The following VTI1A variants were observed in gnomAD, a reference collection of about 807,000 sequenced individuals.
VTI1A encodes vesicle transport through interaction with t-SNAREs homolog 1A.
VTI1A carries 22 observed loss-of-function variants against 34.9 expected under a neutral mutation model. The ratio of observed to expected loss-of-function variants is 0.63; its 90% CI spans 0.45 to 0.90. The LOEUF (loss-of-function observed/expected upper bound fraction) is 0.90. Among genes scored for constraint, VTI1A ranks in the 40% least tolerant of loss-of-function variants. VTI1A has a pLI of 0.00. For synonymous variants in VTI1A, 87 were observed against 97.3 expected (o/e 0.89, Z 0.62); for missense variants, 268 against 275.6 (o/e 0.97, Z 0.20).
chr10:112,570,894 G>C (rs189431447), intron 5 of VTI1A, among the ~76,000 whole-genome samples: 1 of 152,208 alleles, frequency 6.6e-6, no homozygotes, highest in South Asian at 2.1e-4. Context: ...AGTGGTTACT[G>C]TGTGCCTGGC....
At chr10:112,447,696 G>A (rs1273074916) in intron 1 of VTI1A, among the ~76,000 whole-genome samples, 1 of 152,068 alleles carries the variant, frequency 6.6e-6, no homozygotes, top group Non-Finnish European at 1.5e-5. Context: ...TTCGAATCCC[G>A]GCTCTACCTT....
At chr10:112,505,167 T>G (rs2134164630) in intron 3 of VTI1A, among the ~76,000 whole-genome samples, 1 of 152,282 alleles carries the variant, frequency 6.6e-6, no homozygotes, top group East Asian at 1.9e-4. Context: ...TCTTATATAG[T>G]TATGCTTTTA....
In VTI1A at chr10:112,483,010, G is replaced by T. The variant is rs144926907; in HGVS notation, c.264+18353G>T. Among the ~76,000 whole-genome samples the T allele has an allele frequency of 2.0e-4, 30 of 152,222 alleles. No homozygotes were observed. In the East Asian group the frequency reaches 5.8e-3, roughly 29 times the overall value. On this transcript the variant is annotated intron_variant, in intron 3 of 7. Transcript: ENST00000393077. Reference sequence around the variant, plus strand: ...GCAGGGGAAATAAAAAGAGAGAAAAGAAGTAGGCGTAGGAGAAAATAAAAG... The same window carrying T: ...GCAGGGGAAATAAAAAGAGAGAAAATAAGTAGGCGTAGGAGAAAATAAAAG...
chr10:112,519,043 G>T (rs1323213845), intron 3 of VTI1A, among the ~76,000 whole-genome samples: 3 of 151,886 alleles, frequency 2.0e-5, no homozygotes, highest in Admixed American at 6.6e-5. Flanking sequence ...AACATTAAAA[G>T]ACATTGTATA....
chr10:112,482,236 A>T (rs1488368857), intron 3 of VTI1A, among the ~76,000 whole-genome samples: 1 of 152,146 alleles, frequency 6.6e-6, no homozygotes, highest in Non-Finnish European at 1.5e-5. Flanking sequence ...GTTCATAAGT[A>T]TATTATTTTG....
At chr10:112,653,227 G>A (rs1309233570) in intron 5 of VTI1A, among the ~76,000 whole-genome samples, 1 of 152,180 alleles carries the variant, frequency 6.6e-6, no homozygotes, top group Non-Finnish European at 1.5e-5. Context: ...TTGGTTCTAG[G>A]AAGTCAGCGA....
chr10:112,794,011 TA>T (rs1390361267), intron 7 of VTI1A, among the ~76,000 whole-genome samples: 7 of 152,310 alleles, frequency 4.6e-5, no homozygotes, highest in Admixed American at 2.6e-4. Flanking sequence ...CCTCACTTTT[TA>T]AGTTCTAAAT....
intron 3 of VTI1A, among the ~76,000 whole-genome samples, chr10:112,480,699 A>G (rs976799485): frequency 2.0e-5 from 3 of 152,106 alleles, no homozygotes; most frequent in African/African-American, 4.8e-5. Flanking sequence ...TTGGGGAGGG[A>G]TAGTGGAAGG....
chr10:112,742,335 G>A (rs560010272), intron 7 of VTI1A, among the ~76,000 whole-genome samples: 2 of 152,188 alleles, frequency 1.3e-5, no homozygotes, highest in African/African-American at 4.8e-5. Flanking sequence ...TATTTTAGAT[G>A]TGACATGTGT....
chr10:112,726,905 T>C (rs1261802193), intron 7 of VTI1A, among the ~76,000 whole-genome samples: 1 of 152,202 alleles, frequency 6.6e-6, no homozygotes, highest in Non-Finnish European at 1.5e-5. Flanking sequence ...TATTCTTTGG[T>C]ATAGAAGTAC....
At chr10:112,567,739 A>G (rs1851959765) in intron 5 of VTI1A, among the ~76,000 whole-genome samples, 2 of 152,192 alleles carry the variant, frequency 1.3e-5, no homozygotes, top group African/African-American at 4.8e-5. Context: ...AGTGCTTAGC[A>G]AGTGCTATAT....
the VTI1A span, among the ~76,000 whole-genome samples, chr10:112,840,539 G>A: frequency 1.3e-5 from 2 of 152,162 alleles, no homozygotes; most frequent in African/African-American, 4.8e-5. Flanking sequence ...CAATGCCGAG[G>A]CATGAAAAGC....
In VTI1A at chr10:112,561,408, G is replaced by A. The variant is rs535291781; in HGVS notation, c.427+23078G>A. Among the ~76,000 whole-genome samples, 51 of 152,198 alleles carry A rather than the reference G, an allele frequency of 3.4e-4. 1 individual carries two copies. In the South Asian group the frequency reaches 8.7e-3, roughly 26 times the overall value. On this transcript the variant is annotated intron_variant, in intron 5 of 7. Coordinates refer to ENST00000393077, the MANE Select transcript of VTI1A (RefSeq NM_145206.4). Reference sequence around the variant, plus strand: ...ATCATTGGAATATAATGTTTGTTTCGCTGAAATTTTGTAACAAGAAGTAGG... The same window carrying A: ...ATCATTGGAATATAATGTTTGTTTCACTGAAATTTTGTAACAAGAAGTAGG...
At chr10:112,474,924 C>T (rs1218629999) in intron 3 of VTI1A, among the ~76,000 whole-genome samples, 1 of 152,168 alleles carries the variant, frequency 6.6e-6, no homozygotes, top group Non-Finnish European at 1.5e-5. Flanking sequence ...AAGGCCAACA[C>T]AGGAAAGGGA....
intron 3 of VTI1A, among the ~76,000 whole-genome samples, chr10:112,512,081 G>A (rs975969331): frequency 4.6e-5 from 7 of 152,106 alleles, no homozygotes; most frequent in Admixed American, 2.0e-4. Flanking sequence ...TAGATACTCC[G>A]TAGTGGGATT....
intron 5 of VTI1A, among the ~76,000 whole-genome samples, chr10:112,619,979 T>C (rs1482598248): frequency 2.0e-5 from 3 of 152,142 alleles, no homozygotes; most frequent in Non-Finnish European, 4.4e-5. Context: ...TTTTTAACTT[T>C]GAAATTGTTC....
chr10:112,837,132 C>A, the VTI1A span, among the ~76,000 whole-genome samples: 1 of 152,132 alleles, frequency 6.6e-6, no homozygotes, highest in Non-Finnish European at 1.5e-5. Flanking sequence ...ACCAGCCTGG[C>A]CAACATGGTG....
At chr10:112,842,051 C>CTTTTTT in the VTI1A span, among the ~76,000 whole-genome samples, 54 of 66,602 alleles carry the variant, frequency 8.1e-4, no homozygotes, top group Non-Finnish European at 1.1e-3. Context: ...TTTTTTTTTC[C>CTTTTTT]TTTTTTTTTT....
chr10:112,534,939 C>G (rs1167990568), intron 4 of VTI1A, among the ~76,000 whole-genome samples: 1 of 152,124 alleles, frequency 6.6e-6, no homozygotes, highest in Non-Finnish European at 1.5e-5. Context: ...GCCCTTGCCC[C>G]TGAATTTAAG....
Sources: allele counts gnomAD v4.1 joint callset (sites outside exome capture counted in the v4.1 genomes callset), GRCh38; gene constraint gnomAD v4.1.1; transcripts MANE v1.5; gene names NCBI Gene and HGNC (gene_info 2026-07-23, HGNC 2026-07-21).